Variants in INPP5D observed in about 807,000 individuals in gnomAD.
INPP5D encodes inositol polyphosphate-5-phosphatase D.
INPP5D carries 33 observed loss-of-function variants against 122.9 expected under a neutral mutation model. The observed-to-expected ratio is 0.27, with a 90% CI of 0.20 to 0.36. The LOEUF (loss-of-function observed/expected upper bound fraction) is 0.36, where lower values mean the gene tolerates loss of function less well. INPP5D is among the 10% of genes least tolerant of loss of function. The pLI is 1.00. For missense variants in INPP5D, 1,053 were observed against 1,412.7 expected (o/e 0.75, Z 4.08); for synonymous variants, 584 against 576.2 (o/e 1.01, Z -0.19).
At chr2:233,095,081 C>A (rs1692101188) in intron 2 of INPP5D, among the ~76,000 whole-genome samples, 1 of 152,198 alleles carries the variant, frequency 6.6e-6, no homozygotes, top group South Asian at 2.1e-4. Flanking sequence ...TGCTTAAATA[C>A]ACTGTGGTCC....
Position 233,195,772 on chromosome 2 carries a change from G to C in INPP5D, c.2693+277G>C, listed in dbSNP as rs201264425. Among the ~76,000 whole-genome samples the C allele has an allele frequency of 2.2e-4, 34 of 152,286 alleles. No homozygotes were observed. The East Asian group carries it at 6.6e-3, about 29-fold the overall frequency. The stretch of plus-strand genomic sequence containing the variant: ...GCTTGAGGTCAGGAGTTTGAGACCA[G>C]GCTGGCCGACATGGTAAAACCCCAT... On this transcript the variant is annotated intron_variant, in intron 24 of 26. Transcript: ENST00000445964.
chr2:233,167,729 G>A (rs915441780), intron 13 of INPP5D, among the ~76,000 whole-genome samples: 1 of 152,164 alleles, frequency 6.6e-6, no homozygotes, highest in African/African-American at 2.4e-5. Context: ...ATGGGGCCGG[G>A]TGCCGTGGCT....
chr2:233,173,618 A>G (rs1574785665), intron 17 of INPP5D, among the ~76,000 whole-genome samples: 2 of 152,208 alleles, frequency 1.3e-5, no homozygotes, highest in South Asian at 4.2e-4. Context: ...ACTCTCATTT[A>G]CATTGACTTT....
intron 17 of INPP5D, among the ~76,000 whole-genome samples, chr2:233,175,008 C>A (rs1213798695): frequency 2.6e-5 from 4 of 151,724 alleles, no homozygotes; most frequent in Non-Finnish European, 5.9e-5. Flanking sequence ...AGGTGAATCA[C>A]CTGAAGTCAG....
At position 233,189,163 on chromosome 2, in the gene INPP5D, G is replaced by T. The variant is rs746873635; in HGVS notation, c.2359-687G>T. 6.6e-6 allele frequency among the ~76,000 whole-genome samples: 1 copy of T among 152,134 alleles called. No homozygotes were observed. The highest frequency in any genetic ancestry group is 1.5e-5 in the Non-Finnish European group (1 of 68,014). ...GCAAAGCCTGTTAGCAGCCACCCCC[G>T]CTGCCAGCCAGGCCAGCAGGGCCTC... On this transcript the variant is annotated intron_variant, in intron 21 of 26. Transcript: ENST00000445964. This position sits in a 1 kb window ranked among gnomAD's most constrained non-coding sequence, Gnocchi z 5.6.
chr2:233,103,702 C>CTT lies in INPP5D; in HGVS notation c.199-18385_199-18384dup, dbSNP rs61589704. On this transcript the variant is annotated intron_variant, in intron 2 of 26. Transcript: ENST00000445964. The stretch of plus-strand genomic sequence containing the variant: ...AGGGTGTTCTCTCAGAAAAGTAGTT[C>CTT]TTTTTTTTTTTTTTTTTTTTTGGAG... Among the ~76,000 whole-genome samples, 275 of 116,082 alleles carry CTT rather than the reference C, an allele frequency of 2.4e-3. 2 individuals are homozygous for CTT. Among genetic ancestry groups the CTT allele is most frequent in the African/African-American group, 6.0e-3 (181 of 30,062 alleles). 76.2% of individuals were successfully genotyped at this position (116,082 alleles called of 152,430 possible).
chr2:233,192,904 T>C (rs1007135510), intron 22 of INPP5D, among the ~76,000 whole-genome samples: 23 of 152,218 alleles, frequency 1.5e-4, no homozygotes, highest in Non-Finnish European at 2.9e-4. Flanking sequence ...CTTGCTGGCA[T>C]TGGGTGGTTT....
intron 3 of INPP5D, among the ~76,000 whole-genome samples, chr2:233,125,140 C>T (rs1461009193): frequency 6.6e-6 from 1 of 152,242 alleles, no homozygotes; most frequent in African/African-American, 2.4e-5. Context: ...CTCCCACCTC[C>T]CAGGCCAAGT....
intron 11 of INPP5D, among the ~76,000 whole-genome samples, chr2:233,162,270 G>A (rs1175346507): frequency 6.7e-6 from 1 of 149,732 alleles, no homozygotes; most frequent in African/African-American, 2.4e-5. Context: ...GTAGACAAAG[G>A]ATGCCCAGTT....
intron 5 of INPP5D, among the ~76,000 whole-genome samples, chr2:233,138,126 C>T (rs1413124840): frequency 6.7e-6 from 1 of 149,916 alleles, no homozygotes; most frequent in African/African-American, 2.4e-5. Flanking sequence ...CTGAGGTGGG[C>T]GGATCACCTG....
At chr2:233,184,973 G>C (rs569599279) in intron 20 of INPP5D, among the ~76,000 whole-genome samples, 176 of 152,136 alleles carry the variant, frequency 1.2e-3, no homozygotes, top group African/African-American at 4.0e-3. Context: ...TTCTCGGGGG[G>C]ACTGCAGCGT....
At chr2:233,114,144 G>A (rs1278239407) in intron 2 of INPP5D, among the ~76,000 whole-genome samples, 1 of 152,144 alleles carries the variant, frequency 6.6e-6, no homozygotes, top group East Asian at 1.9e-4. Flanking sequence ...TCCTGACCTT[G>A]TGATCTGCCC....
chr2:233,162,982 A>G (rs1258060151), intron 11 of INPP5D, among the ~76,000 whole-genome samples: 1 of 152,196 alleles, frequency 6.6e-6, no homozygotes, highest in Non-Finnish European at 1.5e-5. Context: ...GCCATGCCGC[A>G]GGAGGGCCGG....
intron 1 of INPP5D, among the ~76,000 whole-genome samples, chr2:233,074,283 C>T (rs74602155): frequency 0.08 from 12,237 of 152,098 alleles, 588 homozygotes; most frequent in Middle Eastern, 0.11. Context: ...TGAGAGGGGG[C>T]GCCTCATACC....
chr2:233,207,070 G>T lies in INPP5D; in HGVS notation c.*362G>T, dbSNP rs1316084248. ...AATAATAATATTAATAATAATAATG[G>T]CCACATGGATCGAACACTCATGATG... On this transcript the variant is annotated 3_prime_UTR_variant, in exon 27 of 27. Coordinates refer to ENST00000445964, the MANE Select transcript of INPP5D (RefSeq NM_001017915.3). This position sits in a 1 kb window ranked among gnomAD's most constrained non-coding sequence, Gnocchi z 4.6. 9.5e-6 allele frequency: 2 copies of T among 210,860 alleles called. No homozygotes were observed. The highest frequency in any genetic ancestry group is 1.9e-5 in the Non-Finnish European group (2 of 103,584). The allele number at this position is 210,860 out of a possible 1,614,324, so 13.1% of individuals were successfully genotyped here.
Position 233,192,602 on chromosome 2 carries a change from C to A in INPP5D, c.2447-1210C>A, listed in dbSNP as rs117604648. 2.2e-3 allele frequency among the ~76,000 whole-genome samples: 342 copies of A among 152,306 alleles called. 9 individuals carry two copies. In the East Asian group the frequency reaches 0.059, roughly 26 times the overall value. On this transcript the variant is annotated intron_variant, in intron 22 of 26. Transcript: ENST00000445964. ...GGCTGCATTATATTCCATGGACTTACTGCATCCTCATTTTAAAAGTATTCC... is the reference window on the plus strand; with the variant it reads ...GGCTGCATTATATTCCATGGACTTAATGCATCCTCATTTTAAAAGTATTCC...
At chr2:233,123,531 C>A (rs772283566) in intron 3 of INPP5D, among the ~76,000 whole-genome samples, 12 of 151,992 alleles carry the variant, frequency 7.9e-5, no homozygotes, top group Non-Finnish European at 1.5e-4. Flanking sequence ...GGGACAAAGA[C>A]CAATAGAGCA....
Position 233,060,570 on chromosome 2 carries a change from G to A in INPP5D, c.92G>A (p.Arg31His), listed in dbSNP as rs1252723766. ...GGCAAGGACGGGAGCTTCCTCGTGCGTGCCAGCGAGTCCATCTCCCGGGCA... is the reference window on the plus strand; with the variant it reads ...GGCAAGGACGGGAGCTTCCTCGTGCATGCCAGCGAGTCCATCTCCCGGGCA... Reference protein sequence around the residue: ...RTGKDGSFLVRASESISRAYA... With the variant: ...RTGKDGSFLVHASESISRAYA... The change falls in exon 1 of 27, where the codon CGT (arginine) becomes CAT (histidine). Residue 31 changes from arginine (R) to histidine (H), a missense_variant. Around this residue, in one of 6 missense-constraint regions of INPP5D, gnomAD observed 74 missense variants for 146.6 expected, o/e 0.50. Transcript: ENST00000445964. 4 of 1,613,890 alleles carry A rather than the reference G, an allele frequency of 2.5e-6. No individual in the cohort carries two copies. The highest frequency in any genetic ancestry group is 1.7e-6 in the Non-Finnish European group (2 of 1,179,880).
At chr2:233,146,328 G>A (rs956097436) in intron 7 of INPP5D, 39 bp from the exon 8 acceptor site, 43 of 704,234 alleles carry the variant, frequency 6.1e-5, no homozygotes, top group East Asian at 2.9e-4. Flanking sequence ...CAGGCTCGGC[G>A]TCCCCTTGAC....
Sources: allele counts gnomAD v4.1 joint callset (sites outside exome capture counted in the v4.1 genomes callset), GRCh38; gene constraint gnomAD v4.1.1; regional missense constraint gnomAD v4.1.1; non-coding constraint Gnocchi (gnomAD v3.1); transcripts MANE v1.5; gene names NCBI Gene and HGNC (gene_info 2026-07-23, HGNC 2026-07-21).